TMEM232: variants seen among roughly 807,000 people sequenced by gnomAD.
TMEM232 encodes the protein transmembrane protein 232.
In TMEM232, 80 loss-of-function variants were observed where a neutral mutation model predicts 78.8. The ratio of observed to expected loss-of-function variants is 1.01; its 90% confidence interval spans 0.85 to 1.22. The LOEUF is 1.22. Ranked by LOEUF, TMEM232 falls within the 50% of genes most tolerant of loss-of-function variation. The probability of loss-of-function intolerance (pLI) is 0.00; values close to 1 mark genes in which losing one functional copy is unlikely to be tolerated. For synonymous variants in TMEM232, 297 were observed against 254.3 expected (o/e 1.17, Z -1.60); for missense variants, 881 against 742.2 (o/e 1.19, Z -2.17).
intron 1 of TMEM232, among the ~76,000 whole-genome samples, chr5:110,715,031 T>A (rs115621372): frequency 1.2e-3 from 185 of 152,302 alleles, no homozygotes; most frequent in African/African-American, 4.3e-3. Flanking sequence ...ATTTTACACA[T>A]ATCTGTCTCT....
At chr5:110,677,334 C>G (rs1193233549) in intron 1 of TMEM232, among the ~76,000 whole-genome samples, 1 of 151,012 alleles carries the variant, frequency 6.6e-6, no homozygotes, top group East Asian at 2.0e-4. Flanking sequence ...TTTTTTCCAT[C>G]TGCTATCTTA....
intron 10 of TMEM232, among the ~76,000 whole-genome samples, chr5:110,594,451 G>C (rs999677027): frequency 6.6e-6 from 1 of 152,074 alleles, no homozygotes; most frequent in African/African-American, 2.4e-5. Flanking sequence ...ACCCCAGCAA[G>C]ACAGAACTGT....
chr5:110,422,989 T>C (rs1246674087), intron 13 of TMEM232, among the ~76,000 whole-genome samples: 2 of 152,228 alleles, frequency 1.3e-5, no homozygotes, highest in Non-Finnish European at 2.9e-5. Context: ...GATCATGCTA[T>C]GGAATACTAG....
chr5:110,471,731 G>A (rs1410424009), intron 12 of TMEM232, among the ~76,000 whole-genome samples: 1 of 152,006 alleles, frequency 6.6e-6, no homozygotes, highest in East Asian at 1.9e-4. Context: ...AGCAAAAGTT[G>A]AGGAAATTTA....
chr5:110,424,825 G>T lies in TMEM232; in HGVS notation c.1795C>A (p.His599Asn). ...DKELAKIIDH[H>N]WQEELKIREK... is the part of the protein sequence containing the mutation. ...AGTTAAAAAAAAATCAATCTTACGT[G>T]ATGGTCAATGATTTTTGCCAACTCT... is the stretch of plus-strand genomic sequence containing the variant. The change falls in exon 13 of 14, where the codon CAC becomes AAC. Residue 599 changes from histidine to asparagine, a missense_variant and splice_region_variant. By Grantham distance (68) the His-to-Asn change is moderately conservative (BLOSUM62 1). Coordinates refer to ENST00000455884, the MANE Select transcript of TMEM232 (RefSeq NM_001039763.4). 7.1e-6 allele frequency: 11 copies of T among 1,546,682 alleles called. No individual in the cohort carries two copies. The highest frequency in any genetic ancestry group is 9.6e-6 in the Non-Finnish European group (11 of 1,144,140).
intron 12 of TMEM232, among the ~76,000 whole-genome samples, chr5:110,455,803 G>A (rs1032464002): frequency 1.3e-5 from 2 of 152,034 alleles, no homozygotes; most frequent in African/African-American, 4.8e-5. Context: ...TTTCAACATT[G>A]AAAAAATCAA....
chr5:110,518,131 T>TAGAG (rs1425670509), intron 12 of TMEM232, among the ~76,000 whole-genome samples: 1 of 152,056 alleles, frequency 6.6e-6, no homozygotes, highest in Non-Finnish European at 1.5e-5. Flanking sequence ...CTACTCTCTC[T>TAGAG]CTCTCTCTCT....
intron 12 of TMEM232, among the ~76,000 whole-genome samples, chr5:110,500,345 G>A (rs1244978993): frequency 6.8e-6 from 1 of 147,048 alleles, no homozygotes; most frequent in South Asian, 2.2e-4. Flanking sequence ...ATTTTTAATT[G>A]AAATTTTACA....
At chr5:110,486,792 A>G (rs935742653) in intron 12 of TMEM232, among the ~76,000 whole-genome samples, 1 of 151,966 alleles carries the variant, frequency 6.6e-6, no homozygotes, top group African/African-American at 2.4e-5. Context: ...TGCTTTGGCT[A>G]TGCAGGCTCT....
chr5:110,505,164 C>A (rs1173872146), intron 12 of TMEM232, among the ~76,000 whole-genome samples: 3 of 152,146 alleles, frequency 2.0e-5, no homozygotes, highest in African/African-American at 7.2e-5. Context: ...CCTGAGTGAA[C>A]TTAGGACAAG....
At chr5:110,727,961 TG>T (rs1798319294), upstream of TMEM232, among the ~76,000 whole-genome samples, 2 of 152,142 alleles carry the variant, frequency 1.3e-5, no homozygotes, top group Non-Finnish European at 2.9e-5. Context: ...AATAATAGCC[TG>T]GGGGCTTGCT....
chr5:110,606,353 A>C, intron 8 of TMEM232, 66 bp from the exon 9 acceptor site: 1 of 1,406,302 alleles, frequency 7.1e-7, no homozygotes. Flanking sequence ...TCAACTTTTA[A>C]TGTGAAAAAA....
At chr5:110,634,687 A>G (rs1785570321) in intron 5 of TMEM232, among the ~76,000 whole-genome samples, 2 of 152,118 alleles carry the variant, frequency 1.3e-5, no homozygotes, top group South Asian at 4.1e-4. Flanking sequence ...AACCTGAGAG[A>G]CAGAGCAAAA....
intron 5 of TMEM232, among the ~76,000 whole-genome samples, chr5:110,637,335 T>C (rs897445533): frequency 1.4e-4 from 21 of 151,628 alleles, no homozygotes; most frequent in Non-Finnish European, 3.1e-4. Flanking sequence ...GTATTCTCTG[T>C]ATCTACTTTT....
chr5:110,470,748 T>A (rs1385381539), intron 12 of TMEM232, among the ~76,000 whole-genome samples: 1 of 152,134 alleles, frequency 6.6e-6, no homozygotes, highest in Non-Finnish European at 1.5e-5. Context: ...TATTTCTCTA[T>A]GAAAGCCACT....
intron 10 of TMEM232, among the ~76,000 whole-genome samples, chr5:110,572,051 A>G (rs764177802): frequency 6.6e-5 from 10 of 151,998 alleles, no homozygotes; most frequent in Non-Finnish European, 1.0e-4. Flanking sequence ...AGAAGATCTA[A>G]TTGGACTTCT....
chr5:110,398,348 G>C (rs1755469944), intron 2 of TMEM232, among the ~76,000 whole-genome samples: 1 of 152,170 alleles, frequency 6.6e-6, no homozygotes, highest in Admixed American at 6.6e-5. Context: ...CATTTGGGTA[G>C]ACTGAATAAA....
intron 11 of TMEM232, among the ~76,000 whole-genome samples, chr5:110,563,558 T>G (rs1775992442): frequency 6.6e-6 from 1 of 152,028 alleles, no homozygotes; most frequent in South Asian, 2.1e-4. Context: ...GTGAGGTGAC[T>G]ATACGCCATT....
intron 5 of TMEM232, among the ~76,000 whole-genome samples, chr5:110,628,300 T>G (rs1309012288): frequency 2.0e-5 from 3 of 152,132 alleles, no homozygotes; most frequent in African/African-American, 7.2e-5. Flanking sequence ...TTATCCGAAT[T>G]GCAATGCAAA....
Sources: allele counts gnomAD v4.1 joint callset (sites outside exome capture counted in the v4.1 genomes callset), GRCh38; gene constraint gnomAD v4.1.1; transcripts MANE v1.5; gene names NCBI Gene and HGNC (gene_info 2026-07-23, HGNC 2026-07-21).